The following TNFAIP6 variants were observed in gnomAD, a reference collection of about 807,000 sequenced individuals.
TNFAIP6 encodes the protein TNF alpha induced protein 6.
In TNFAIP6, 36 loss-of-function variants were observed where a neutral mutation model predicts 33.7. That is an observed-to-expected ratio of 1.07 (90% CI 0.82 to 1.41). The LOEUF (loss-of-function observed/expected upper bound fraction) is 1.41, where lower values mean the gene tolerates loss of function less well. Ranked by LOEUF, TNFAIP6 falls within the 40% of genes most tolerant of loss-of-function variation. TNFAIP6 has a pLI of 0.00. For missense variants in TNFAIP6, 273 were observed against 331.9 expected, an observed-to-expected ratio of 0.82 and a Z score of 1.38; for synonymous variants, 113 against 112.8, an observed-to-expected ratio of 1.00 and a Z score of -0.01.
intron 1 of TNFAIP6, among the ~76,000 whole-genome samples, chr2:151,363,289 G>A (rs961035939): frequency 6.6e-6 from 1 of 151,914 alleles, no homozygotes; most frequent in Non-Finnish European, 1.5e-5. Flanking sequence ...CTGGGCGACA[G>A]AGTGAGACTC....
At chr2:151,364,961 G>C (rs1684685866) in intron 2 of TNFAIP6, among the ~76,000 whole-genome samples, 1 of 152,146 alleles carries the variant, frequency 6.6e-6, no homozygotes, top group Non-Finnish European at 1.5e-5. Flanking sequence ...TGGTGGCATT[G>C]ACAGATACTA....
At chr2:151,359,183 G>T (rs1251983194) in intron 1 of TNFAIP6, among the ~76,000 whole-genome samples, 1 of 152,070 alleles carries the variant, frequency 6.6e-6, no homozygotes, top group East Asian at 1.9e-4. Flanking sequence ...GCAAATTTTT[G>T]ACCAGCCAGC....
intron 5 of TNFAIP6, among the ~76,000 whole-genome samples, chr2:151,374,016 C>T (rs894534497): frequency 6.6e-6 from 1 of 152,134 alleles, no homozygotes; most frequent in African/African-American, 2.4e-5. Context: ...GTACAATATT[C>T]TCCAGAGAAT....
chr2:151,369,371 C>T (rs1684772975), intron 3 of TNFAIP6, among the ~76,000 whole-genome samples: 2 of 151,830 alleles, frequency 1.3e-5, no homozygotes, highest in South Asian at 2.1e-4. Flanking sequence ...CCCAGGTTGG[C>T]CTCAAACTCC....
At chr2:151,374,854 C>A (rs531275363) in intron 5 of TNFAIP6, among the ~76,000 whole-genome samples, 1 of 151,976 alleles carries the variant, frequency 6.6e-6, no homozygotes, top group Non-Finnish European at 1.5e-5. Flanking sequence ...GGCCAGGTGC[C>A]GTGGCTCACG....
intron 5 of TNFAIP6, among the ~76,000 whole-genome samples, chr2:151,378,767 G>A (rs575062611): frequency 1.3e-5 from 2 of 151,920 alleles, no homozygotes; most frequent in African/African-American, 4.8e-5. Context: ...GGGATTACAG[G>A]CGTGACCCAC....
chr2:151,375,726 A>G (rs1014864439), intron 5 of TNFAIP6, among the ~76,000 whole-genome samples: 1 of 152,090 alleles, frequency 6.6e-6, no homozygotes, highest in African/African-American at 2.4e-5. Flanking sequence ...AAAAAATCCT[A>G]TCAAGCATAA....
At chr2:151,371,088 A>G (rs1165306212) in intron 4 of TNFAIP6, among the ~76,000 whole-genome samples, 1 of 152,062 alleles carries the variant, frequency 6.6e-6, no homozygotes, top group Non-Finnish European at 1.5e-5. Flanking sequence ...AAAAAAGATT[A>G]TAAATTCAGT....
chr2:151,378,913 C>A (rs966774448), intron 5 of TNFAIP6, among the ~76,000 whole-genome samples: 1 of 151,820 alleles, frequency 6.6e-6, no homozygotes, highest in African/African-American at 2.4e-5. Context: ...GCCTGGCCAA[C>A]ATGGTGAAAC....
At position 151,367,856 on chromosome 2, in the gene TNFAIP6, T is replaced by TA. The variant is rs530322212; in HGVS notation, c.394+1651dup. Among the ~76,000 whole-genome samples, 62 of 143,108 alleles carry TA rather than the reference T, an allele frequency of 4.3e-4. No homozygotes were observed. In the South Asian group the frequency reaches 6.0e-3, roughly 14 times the overall value. The allele number at this position is 143,108 out of a possible 152,430, so 93.9% of individuals were successfully genotyped here. ...ACAGCTCACTGAAACATCACTGGAA[T>TA]AAAAAAAAAAAATAATGGCTTCACA... On this transcript the variant is annotated intron_variant, in intron 3 of 5. Transcript: ENST00000243347.
intron 4 of TNFAIP6, chr2:151,372,012 C>T (rs1684823765): frequency 6.6e-6 from 1 of 152,320 alleles, no homozygotes. Context: ...GGCAGGCACA[C>T]CTGTGGTCCC....
intron 5 of TNFAIP6, among the ~76,000 whole-genome samples, chr2:151,377,732 C>G (rs1684941287): frequency 6.6e-6 from 1 of 152,068 alleles, no homozygotes; most frequent in Non-Finnish European, 1.5e-5. Context: ...TTGTCTTTCT[C>G]TTTTTTATTT....
Position 151,379,841 on chromosome 2 carries a change from T to C in TNFAIP6, c.*308T>C, listed in dbSNP as rs1684983552. 6.0e-6 allele frequency: 1 copy of C among 166,782 alleles called. No individual in the cohort carries two copies. The highest frequency in any genetic ancestry group is 2.4e-5 in the African/African-American group (1 of 42,070). The allele number at this position is 166,782 out of a possible 1,614,324, so 10.3% of individuals were successfully genotyped here. A position where few individuals can be genotyped will look rare whatever the true frequency, so the allele number is the denominator to read the frequency against. On this transcript the variant is annotated 3_prime_UTR_variant, in exon 6 of 6. Coordinates refer to ENST00000243347, the MANE Select transcript of TNFAIP6 (RefSeq NM_007115.4). ...CATTTGAAATTTTGGAATCCTGCTCTATGTACAGTTTTGTATTATACTTTT... is the reference window on the plus strand; with the variant it reads ...CATTTGAAATTTTGGAATCCTGCTCCATGTACAGTTTTGTATTATACTTTT...
intron 3 of TNFAIP6, among the ~76,000 whole-genome samples, chr2:151,366,589 T>G (rs1684713832): frequency 6.6e-6 from 1 of 151,916 alleles, no homozygotes; most frequent in South Asian, 2.1e-4. Flanking sequence ...AAAAAGAAAA[T>G]AAAAAAGCAG....
At chr2:151,359,184 AC>A (rs1006065534) in intron 1 of TNFAIP6, among the ~76,000 whole-genome samples, 4 of 152,150 alleles carry the variant, frequency 2.6e-5, no homozygotes, top group Non-Finnish European at 4.4e-5. Context: ...CAAATTTTTG[AC>A]CAGCCAGCCT....
At position 151,379,417 on chromosome 2, in the gene TNFAIP6, T is replaced by C. The variant is rs1043531162; in HGVS notation, c.718T>C (p.Phe240Leu). The C allele has an allele frequency of 1.2e-6, 2 of 1,610,100 alleles. No homozygotes were observed. The highest frequency in any genetic ancestry group is 1.7e-6 in the Non-Finnish European group (2 of 1,178,428). ...LSDASVTAGG[F>L]QIKYVAMDPV... ...TGATGCTTCAGTGACAGCTGGAGGTTTCCAAATCAAATATGTTGCAATGGA... is the reference window on the plus strand; with the variant it reads ...TGATGCTTCAGTGACAGCTGGAGGTCTCCAAATCAAATATGTTGCAATGGA... The change falls in exon 6 of 6, where the codon TTC (phenylalanine) becomes CTC (leucine). Residue 240 changes from phenylalanine to leucine, a missense_variant. Physicochemically the swap from Phe to Leu is conservative, Grantham distance 22. Transcript: ENST00000243347.
chr2:151,379,322 G>T, intron 5 of TNFAIP6, 42 bp from the exon 6 acceptor site: 2 of 1,535,876 alleles, frequency 1.3e-6, no homozygotes, highest in South Asian at 2.5e-5. Flanking sequence ...CAAATCAAAG[G>T]AGAGTAACAT....
chr2:151,362,467 G>A (rs373616148), intron 1 of TNFAIP6, among the ~76,000 whole-genome samples: 1 of 78,878 alleles, frequency 1.3e-5, no homozygotes, highest in Non-Finnish European at 2.8e-5. Flanking sequence ...GTTTTTATTT[G>A]TCTTACTAAA....
chr2:151,378,003 C>T (rs953230946), intron 5 of TNFAIP6, among the ~76,000 whole-genome samples: 8 of 152,120 alleles, frequency 5.3e-5, no homozygotes, highest in African/African-American at 1.4e-4. Flanking sequence ...CCCCTCACCT[C>T]GCAGTGTTGT....
Sources: gnomAD v4.1 joint callset for allele counts (sites outside exome capture counted in the v4.1 genomes callset) on GRCh38, gnomAD v4.1.1 for gene constraint, MANE v1.5 for transcripts, NCBI Gene and HGNC (gene_info 2026-07-23, HGNC 2026-07-21) for gene names.